The following MTG1 variants were observed in gnomAD, a reference collection of about 807,000 sequenced individuals.
MTG1 encodes mitochondrial ribosome-associated GTPase 1.
In MTG1, 30 loss-of-function variants were observed where a neutral mutation model predicts 39.5. The observed-to-expected ratio is 0.76, with a 90% CI of 0.57 to 1.03. The LOEUF is 1.03. Among genes scored for constraint, MTG1 ranks in the 50% least tolerant of loss-of-function variants. The pLI is 0.00. For synonymous variants in MTG1, 217 were observed against 179.0 expected (o/e 1.21, Z -1.69); for missense variants, 513 against 447.4 (o/e 1.15, Z -1.32).
intron 4 of MTG1, 108 bp downstream of exon 4, chr10:133,398,623 T>A: frequency 7.7e-7 from 1 of 1,295,342 alleles, no homozygotes; most frequent in Non-Finnish European, 1.1e-6. Flanking sequence ...GAAAAGATCC[T>A]AGGTGTTGGT....
chr10:133,402,276 T>TGGGACC lies in MTG1; in HGVS notation c.670+35_670+40dup, dbSNP rs751217675. The TGGGACC allele has an allele frequency of 6.4e-5, 86 of 1,351,242 alleles. No individual in the cohort carries two copies. The highest frequency in any genetic ancestry group is 1.3e-4 in the Admixed American group (7 of 52,276). The allele number at this position is 1,351,242 out of a possible 1,614,324, so 83.7% of individuals were successfully genotyped here. Reference sequence around the variant, plus strand: ...CCGGGGCTGGGGCTGGGGCTGGGGCTGGGACCGGGGCCCCTGCCACCCCAC... The same window carrying TGGGACC: ...CCGGGGCTGGGGCTGGGGCTGGGGCTGGGACCGGGACCGGGGCCCCTGCCACCCCAC... On this transcript the variant is annotated intron_variant, in intron 8 of 10. Transcript: ENST00000317502. The surrounding 1 kb of genome is among the most constrained non-coding windows in gnomAD (Gnocchi z 4.7).
At chr10:133,399,895 T>G (rs899505418) in intron 6 of MTG1, 4 of 403,676 alleles carry the variant, frequency 9.9e-6, no homozygotes, top group African/African-American at 2.1e-5. Context: ...TATTTGTTCA[T>G]TTATTTAAAT....
At chr10:133,396,345 C>A in intron 3 of MTG1, 78 bp downstream of exon 3, 1 of 1,252,246 alleles carries the variant, frequency 8.0e-7, no homozygotes, top group Non-Finnish European at 1.2e-6. Flanking sequence ...GGAAGAGTTG[C>A]CGGACGCACA....
Position 133,404,129 on chromosome 10 carries a change from CTTT to C in MTG1, c.752+1374_752+1376del, listed in dbSNP as rs57165977. On this transcript the variant is annotated intron_variant, in intron 9 of 10. Coordinates refer to ENST00000317502, the MANE Select transcript of MTG1 (RefSeq NM_138384.4). Reference sequence around the variant, plus strand: ...TCTTTCCTTATTGCTAAGTTTTAATCTTTTTTTTTTTTTTTTTTTTGAGACAGG... The same window carrying C: ...TCTTTCCTTATTGCTAAGTTTTAATCTTTTTTTTTTTTTTTTTGAGACAGG... 1.3e-4 allele frequency among the ~76,000 whole-genome samples: 12 copies of C among 91,172 alleles called. 1 individual carries two copies. The highest frequency in any genetic ancestry group is 4.0e-4 in the African/African-American group (9 of 22,246). The allele number at this position is 91,172 out of a possible 152,430, so 59.8% of individuals were successfully genotyped here.
chr10:133,402,879 C>T lies in MTG1; in HGVS notation c.752+106C>T. On this transcript the variant is annotated intron_variant, in intron 9 of 10. Coordinates refer to ENST00000317502, the MANE Select transcript of MTG1 (RefSeq NM_138384.4). The surrounding 1 kb of genome is among the most constrained non-coding windows in gnomAD (Gnocchi z 4.7). ...CCCAGCATTATAAAGGTATTATAAA[C>T]ACGGTAACCTGCACATCGTTTAAAG... is the stretch of plus-strand genomic sequence containing the variant. The T allele has an allele frequency of 1.2e-6, 1 of 830,760 alleles. No homozygotes were observed. Among genetic ancestry groups the T allele is most frequent in the South Asian group, 1.8e-5 (1 of 56,012 alleles). 51.5% of individuals were successfully genotyped at this position (830,760 alleles called of 1,614,324 possible). A position where few individuals can be genotyped will look rare whatever the true frequency, so the allele number is the denominator to read the frequency against.
chr10:133,399,582 C>A lies in MTG1; in HGVS notation c.474C>A (p.Ser158=). The stretch of plus-strand genomic sequence containing the variant: ...GGGTCCCCAACGTGGGCAAGTCCTC[C>A]CTCATCAACTCCCTCCGGAGGCAGC... ...VIGVPNVGKS[S]LINSLRRQHL... The change falls in exon 6 of 11, where the codon TCC becomes TCA. Residue 158 remains serine, a synonymous_variant. Coordinates refer to ENST00000317502, the MANE Select transcript of MTG1 (RefSeq NM_138384.4). 6.2e-7 allele frequency: 1 copy of A among 1,614,186 alleles called. No homozygotes were observed. Among genetic ancestry groups the A allele is most frequent in the South Asian group, 1.1e-5 (1 of 91,072 alleles).
At chr10:133,399,841 T>C in intron 6 of MTG1, 1 of 483,426 alleles carries the variant, frequency 2.1e-6, no homozygotes, top group Non-Finnish European at 3.6e-6. Flanking sequence ...AATTTTTCTC[T>C]CTTTTAAAAT....
At chr10:133,394,687 G>A in intron 1 of MTG1, 1 of 1,108,494 alleles carries the variant, frequency 9.0e-7, no homozygotes, top group Non-Finnish European at 1.1e-6. Flanking sequence ...TTCTTGACAA[G>A]ATAGACTTTT....
chr10:133,396,377 G>T (rs958013108), intron 3 of MTG1, 110 bp downstream of exon 3: 2 of 963,640 alleles, frequency 2.1e-6, no homozygotes, highest in East Asian at 2.4e-5. Context: ...GCCCAGGCAG[G>T]CTCTGCTTTA....
chr10:133,413,460 G>C (rs1423797561), intron 9 of MTG1, among the ~76,000 whole-genome samples: 1 of 152,078 alleles, frequency 6.6e-6, no homozygotes, highest in Non-Finnish European at 1.5e-5. Context: ...CGCCATGTTG[G>C]CCAGGCTGGT....
At chr10:133,394,893 T>G (rs891810005) in intron 1 of MTG1, 1 of 277,024 alleles carries the variant, frequency 3.6e-6, no homozygotes, top group Non-Finnish European at 5.5e-6. Context: ...CGGCTCCGCG[T>G]GTACTGGGGG....
At chr10:133,415,196 CGGAGCG>C (rs997829839) in intron 9 of MTG1, among the ~76,000 whole-genome samples, 54 of 150,854 alleles carry the variant, frequency 3.6e-4, no homozygotes, top group East Asian at 2.3e-3. Context: ...GGAGAGGGAG[CGGAGCG>C]GGAGCGGGAG....
rs7080380 is a variant in MTG1 at position 133,406,899 on chromosome 10, G to A, written c.752+4126G>A. ...AGGCTGGTCTTGAACTCCTGACCTC[G>A]TGATCCACCTGCCTTGGCCTGTAAT... On this transcript the variant is annotated intron_variant, in intron 9 of 10. Transcript: ENST00000317502. Among the ~76,000 whole-genome samples, 1,520 of 152,162 alleles carry A rather than the reference G, an allele frequency of 1.0e-2. 21 individuals are homozygous for A. The highest frequency in any genetic ancestry group is 0.032 in the African/African-American group (1,320 of 41,518).
chr10:133,418,148 C>T (rs955507666), intron 9 of MTG1, among the ~76,000 whole-genome samples: 1 of 152,224 alleles, frequency 6.6e-6, no homozygotes, highest in African/African-American at 2.4e-5. Flanking sequence ...GGATTACAAG[C>T]ATGTGCCACC....
At chr10:133,406,932 G>A (rs551256366) in intron 9 of MTG1, among the ~76,000 whole-genome samples, 2 of 152,232 alleles carry the variant, frequency 1.3e-5, no homozygotes, top group African/African-American at 2.4e-5. Context: ...AATAGCCACC[G>A]CACCCGGCCA....
At chr10:133,401,477 C>T (rs1849874335) in intron 6 of MTG1, 52 bp from the exon 7 acceptor site, 2 of 1,466,674 alleles carry the variant, frequency 1.4e-6, no homozygotes, top group African/African-American at 2.8e-5. Context: ...ACTTGTTCTG[C>T]AGCTTCTGTG....
rs142057422 is a variant in MTG1 at position 133,399,199 on chromosome 10, G to C, written c.393G>C (p.Gly131=). 6.2e-7 allele frequency: 1 copy of C among 1,614,094 alleles called. No individual in the cohort carries two copies. The highest frequency in any genetic ancestry group is 1.7e-5 in the Admixed American group (1 of 60,012). ...QIIPMVTELI[G]RSHRYHRKEN... The stretch of plus-strand genomic sequence containing the variant: ...TCCCGATGGTCACTGAACTGATTGG[G>C]AGAAGCCACCGCTACCACCGAAAAG... Residue 131 remains glycine (G), a synonymous_variant, in exon 5 of 11, where the codon GGG becomes GGC. Transcript: ENST00000317502.
At chr10:133,412,299 C>T (rs1258885414) in intron 9 of MTG1, among the ~76,000 whole-genome samples, 1 of 152,134 alleles carries the variant, frequency 6.6e-6, no homozygotes, top group African/African-American at 2.4e-5. Context: ...ATTTTTGATA[C>T]TATTGTAAAT....
At position 133,420,300 on chromosome 10, in the gene MTG1, A is replaced by G. The variant is rs1213980994; in HGVS notation, c.*135A>G. 3.6e-6 allele frequency: 4 copies of G among 1,126,006 alleles called. No homozygotes were observed. Among genetic ancestry groups the G allele is most frequent in the Non-Finnish European group, 3.6e-6 (3 of 840,298 alleles). The allele number at this position is 1,126,006 out of a possible 1,614,324, so 69.8% of individuals were successfully genotyped here. On this transcript the variant is annotated 3_prime_UTR_variant, in exon 11 of 11. Transcript: ENST00000317502. ...AGGGTGCTGTGCTCTCTGGCGCCCC[A>G]CAGCCTGGCCAGCTCCAGGGACCCC...
Sources: gnomAD v4.1 joint callset for allele counts (sites outside exome capture counted in the v4.1 genomes callset) on GRCh38, gnomAD v4.1.1 for gene constraint, Gnocchi (gnomAD v3.1) non-coding constraint, MANE v1.5 for transcripts, NCBI Gene and HGNC (gene_info 2026-07-23, HGNC 2026-07-21) for gene names.